The following AP5Z1 variants were observed in gnomAD, a reference collection of about 807,000 sequenced individuals.
AP5Z1 encodes adaptor related protein complex 5 subunit zeta 1.
Under a neutral mutation model 83.0 loss-of-function variants are expected in AP5Z1, and 106 were observed. The observed-to-expected ratio is 1.28, with a 90% confidence interval of 1.09 to 1.50. The LOEUF is 1.50. Ranked by LOEUF, AP5Z1 falls within the 40% of genes most tolerant of loss-of-function variation. The probability of loss-of-function intolerance (pLI) is 0.00; values close to 1 mark genes in which losing one functional copy is unlikely to be tolerated. For synonymous variants in AP5Z1, 751 were observed against 514.1 expected, an observed-to-expected ratio of 1.46 and a Z score of -6.23; for missense variants, 1,565 against 1,094.2, an observed-to-expected ratio of 1.43 and a Z score of -6.07.
rs1436471313 is a variant in AP5Z1 at position 4,790,780 on chromosome 7, C to T, written c.2046C>T (p.Thr682=). 1.2e-5 allele frequency: 20 copies of T among 1,608,680 alleles called. No homozygotes were observed. Among genetic ancestry groups the T allele is most frequent in the Non-Finnish European group, 1.7e-5 (20 of 1,178,696 alleles). ...TGGAGGCTCTGCTATTCGAGGTCAC[C>T]CAGTGCCGCCCCTCTGCTGCCCTGC... is the stretch of plus-strand genomic sequence containing the variant. ...EALEALLFEV[T]QCRPSAALPR... is the part of the protein sequence containing the mutation. Residue 682 remains threonine, a synonymous_variant, in exon 16 of 17, where the codon ACC becomes ACT. Transcript: ENST00000649063.
chr7:4,780,637 G>T (rs185030535), intron 1 of AP5Z1, among the ~76,000 whole-genome samples: 380 of 152,246 alleles, frequency 2.5e-3, no homozygotes, highest in Middle Eastern at 6.8e-3. Flanking sequence ...GTGGTGGTGG[G>T]TGCCTGTAAT....
At chr7:4,779,370 TTA>T (rs201276090) in intron 1 of AP5Z1, among the ~76,000 whole-genome samples, 2,713 of 143,848 alleles carry the variant, frequency 0.019, 37 homozygotes, top group Non-Finnish European at 0.029. Flanking sequence ...TCATAACGTG[TTA>T]TATGTCATAT....
At position 4,785,692 on chromosome 7, in the gene AP5Z1, C is replaced by T. The variant is rs1296196576; in HGVS notation, c.1132+8C>T. 1.3e-6 allele frequency: 2 copies of T among 1,514,254 alleles called. No individual in the cohort carries two copies. The highest frequency in any genetic ancestry group is 1.8e-6 in the Non-Finnish European group (2 of 1,128,918). The allele number at this position is 1,514,254 out of a possible 1,614,324, so 93.8% of individuals were successfully genotyped here. A position where few individuals can be genotyped will look rare whatever the true frequency, so the allele number is the denominator to read the frequency against. On this transcript the variant is annotated splice_region_variant and intron_variant, in intron 9 of 16. Coordinates refer to ENST00000649063, the MANE Select transcript of AP5Z1 (RefSeq NM_014855.3). Reference sequence around the variant, plus strand: ...ACTTCTTCCTGAGCCACGGTGAGCCCAGGGTGGGGTGGCGCTGACTCGGGG... The same window carrying T: ...ACTTCTTCCTGAGCCACGGTGAGCCTAGGGTGGGGTGGCGCTGACTCGGGG...
At chr7:4,783,878 G>A in intron 5 of AP5Z1, 80 bp downstream of exon 5, 1 of 1,413,060 alleles carries the variant, frequency 7.1e-7, no homozygotes, top group Non-Finnish European at 9.6e-7. Context: ...GCCCACAGCG[G>A]CGAGGCCTGC....
In AP5Z1 at chr7:4,791,705, G is replaced by A. The variant is rs2115132659; in HGVS notation, c.*320G>A. The A allele has an allele frequency of 4.6e-6, 2 of 436,442 alleles. No individual in the cohort carries two copies. Among genetic ancestry groups the A allele is most frequent in the East Asian group, 3.6e-5 (1 of 27,626 alleles). 27.0% of individuals were successfully genotyped at this position (436,442 alleles called of 1,614,324 possible). On this transcript the variant is annotated 3_prime_UTR_variant, in exon 17 of 17. Coordinates refer to ENST00000649063, the MANE Select transcript of AP5Z1 (RefSeq NM_014855.3). Reference sequence around the variant, plus strand: ...TCTGTTTCCTAGTCTTTTGTTTTTGGACAGTTGATGGGCAAGAAGAGCTGC... The same window carrying A: ...TCTGTTTCCTAGTCTTTTGTTTTTGAACAGTTGATGGGCAAGAAGAGCTGC...
intron 5 of AP5Z1, 45 bp downstream of exon 5, chr7:4,783,843 A>ACAAC: frequency 6.6e-7 from 1 of 1,521,022 alleles, no homozygotes; most frequent in Non-Finnish European, 8.8e-7. Flanking sequence ...AGAGTCACAG[A>ACAAC]CAACCCCTCC....
At chr7:4,784,028 G>A (rs1234021925) in intron 5 of AP5Z1, among the ~76,000 whole-genome samples, 175 bp from the exon 6 acceptor site, 1 of 152,194 alleles carries the variant, frequency 6.6e-6, no homozygotes. Flanking sequence ...GGTGTGCGAC[G>A]CGCGTCTGCC....
At position 4,785,613 on chromosome 7, in the gene AP5Z1, A is replaced by T; in HGVS notation, c.1061A>T (p.His354Leu). The T allele has an allele frequency of 6.3e-7, 1 of 1,587,610 alleles. No homozygotes were observed. Among genetic ancestry groups the T allele is most frequent in the Non-Finnish European group, 8.5e-7 (1 of 1,169,700 alleles). ...YRSLSCLKAL[H>L]GRVRGDPASV... ...AGTCTCTCCTGCCTGAAGGCCCTGCACGGGCGGGTGCGCGGGGACCCGGCC... is the reference window on the plus strand; with the variant it reads ...AGTCTCTCCTGCCTGAAGGCCCTGCTCGGGCGGGTGCGCGGGGACCCGGCC... Residue 354 changes from histidine (H) to leucine (L), a missense_variant, in exon 9 of 17, where the codon CAC (histidine) becomes CTC (leucine). Transcript: ENST00000649063.
At chr7:4,775,799 C>G in intron 1 of AP5Z1, 43 bp downstream of exon 1, 1 of 1,595,282 alleles carries the variant, frequency 6.3e-7, no homozygotes, top group Middle Eastern at 2.1e-4. Context: ...CTGCATCTCT[C>G]CCTAGGGGCA....
At chr7:4,778,691 A>G (rs1781286292) in intron 1 of AP5Z1, among the ~76,000 whole-genome samples, 1 of 150,566 alleles carries the variant, frequency 6.6e-6, no homozygotes, top group Admixed American at 6.7e-5. Flanking sequence ...CCTTTCTGGG[A>G]AAGATTTTCC....
At chr7:4,780,347 T>C (rs905986654) in intron 1 of AP5Z1, among the ~76,000 whole-genome samples, 3 of 152,158 alleles carry the variant, frequency 2.0e-5, no homozygotes, top group Non-Finnish European at 2.9e-5. Flanking sequence ...AGGCCAGGCG[T>C]GGTGGCTCAC....
At chr7:4,791,090 TGAC>T (rs765674783) in intron 16 of AP5Z1, 22 bp from the exon 17 acceptor site, 1 of 1,547,948 alleles carries the variant, frequency 6.5e-7, no homozygotes. Context: ...CATCTGCAGC[TGAC>T]GGAGGGACCT....
chr7:4,779,317 A>G (rs1037529919), intron 1 of AP5Z1, among the ~76,000 whole-genome samples: 1 of 135,676 alleles, frequency 7.4e-6, no homozygotes, highest in Admixed American at 7.5e-5. Flanking sequence ...CGTATATAAC[A>G]TAACACGTTA....
At chr7:4,785,238 C>T (rs553701574) in intron 7 of AP5Z1, among the ~76,000 whole-genome samples, 177 bp from the exon 8 acceptor site, 1 of 152,328 alleles carries the variant, frequency 6.6e-6, no homozygotes, top group South Asian at 2.1e-4. Flanking sequence ...ACCCCAGCCC[C>T]CAGCCCGGCC....
At chr7:4,781,433 G>A (rs745744364) in intron 2 of AP5Z1, 121 bp downstream of exon 2, 2 of 1,547,854 alleles carry the variant, frequency 1.3e-6, no homozygotes, top group Non-Finnish European at 1.8e-6. Flanking sequence ...ACTTAAACCA[G>A]TGCTGAAGGT....
chr7:4,784,831 C>T, intron 6 of AP5Z1, 77 bp from the exon 7 acceptor site: 1 of 1,519,454 alleles, frequency 6.6e-7, no homozygotes, highest in Admixed American at 2.0e-5. Flanking sequence ...CTCCTCCTGC[C>T]CTTCCAAGCA....
In AP5Z1 at chr7:4,791,406, T is replaced by C; in HGVS notation, c.*21T>C. The C allele has an allele frequency of 6.3e-7, 1 of 1,590,050 alleles. No individual in the cohort carries two copies. ...GGTGAAGGGACAGTGGCCAGGGACT[T>C]CGGTGCAGATTAAGAGCCTGGGCAG... On this transcript the variant is annotated 3_prime_UTR_variant, in exon 17 of 17. Transcript: ENST00000649063.
In AP5Z1 at chr7:4,790,132, T is replaced by C. The variant is rs376852786; in HGVS notation, c.1805+203T>C. On this transcript the variant is annotated intron_variant, in intron 14 of 16. Transcript: ENST00000649063. ...TGCTTCTCAAGAACATTCCCGTCCTTCTTTCTGCCGAGCCTGTCCTCTTCA... is the reference window on the plus strand; with the variant it reads ...TGCTTCTCAAGAACATTCCCGTCCTCCTTTCTGCCGAGCCTGTCCTCTTCA... The C allele has an allele frequency of 3.6e-4, 520 of 1,442,100 alleles. No homozygotes were observed. The African/African-American group carries it at 5.1e-3, about 14-fold the overall frequency. 89.3% of individuals were successfully genotyped at this position (1,442,100 alleles called of 1,614,324 possible). A position where few individuals can be genotyped will look rare whatever the true frequency, so the allele number is the denominator to read the frequency against.
chr7:4,783,159 C>T (rs1781430257), intron 3 of AP5Z1, among the ~76,000 whole-genome samples, 157 bp from the exon 4 acceptor site: 1 of 152,226 alleles, frequency 6.6e-6, no homozygotes, highest in African/African-American at 2.4e-5. Flanking sequence ...CACCTTGTGG[C>T]CCGGGGTGGG....
Sources: gnomAD v4.1 joint callset for allele counts (sites outside exome capture counted in the v4.1 genomes callset) on GRCh38, gnomAD v4.1.1 for gene constraint, MANE v1.5 for transcripts, NCBI Gene and HGNC (gene_info 2026-07-23, HGNC 2026-07-21) for gene names.